Variants in INSYN2B observed in about 807,000 individuals in gnomAD.
INSYN2B encodes protein INSYN2B.
In INSYN2B, 16 loss-of-function variants were observed where a neutral mutation model predicts 41.2. The ratio of observed to expected loss-of-function variants is 0.39; its 90% CI spans 0.26 to 0.59. The LOEUF (loss-of-function observed/expected upper bound fraction) is 0.59. Among genes scored for constraint, INSYN2B ranks in the 20% least tolerant of loss-of-function variants. The pLI is 0.57. For synonymous variants in INSYN2B, 245 were observed against 244.4 expected (o/e 1.00, Z -0.02); for missense variants, 608 against 646.4 (o/e 0.94, Z 0.64).
At chr5:169,954,066 C>T (rs979917242) in intron 1 of INSYN2B, among the ~76,000 whole-genome samples, 1 of 152,248 alleles carries the variant, frequency 6.6e-6, no homozygotes, top group African/African-American at 2.4e-5. Context: ...ACCCTGAACA[C>T]TCTTCCTTTT....
chr5:169,874,935 T>C lies in INSYN2B; in HGVS notation c.1421+6433A>G, dbSNP rs370112869. On this transcript the variant is annotated intron_variant, in intron 3 of 3. Coordinates refer to ENST00000377365, the MANE Select transcript of INSYN2B (RefSeq NM_001129891.3). ...GCCTGCTCCATGAGTAATCCTCTCC[T>C]CTCTCTTCCTTCCCTCGCCCTTGCC... 3.3e-5 allele frequency among the ~76,000 whole-genome samples: 5 copies of C among 152,220 alleles called. No homozygotes were observed. In the East Asian group the frequency reaches 5.8e-4, roughly 18 times the overall value.
chr5:169,890,022 C>T lies in INSYN2B; in HGVS notation c.-918-5206G>A, dbSNP rs557806291. 1.1e-4 allele frequency among the ~76,000 whole-genome samples: 16 copies of T among 152,328 alleles called. No individual in the cohort carries two copies. In the East Asian group the frequency reaches 3.1e-3, roughly 29 times the overall value. On this transcript the variant is annotated intron_variant, in intron 1 of 3. Transcript: ENST00000377365. ...AAGCATTTTCAAATCCCATGTAATC[C>T]CCACTAGGGAGGCTGGGAAGCATTA...
chr5:169,865,615 C>T (rs990981082), intron 3 of INSYN2B, among the ~76,000 whole-genome samples: 10 of 152,198 alleles, frequency 6.6e-5, no homozygotes, highest in Admixed American at 6.5e-4. Context: ...AGCTCTTAAG[C>T]TTTTTGATGT....
chr5:169,948,586 C>T (rs1384294690), intron 1 of INSYN2B, among the ~76,000 whole-genome samples: 1 of 151,058 alleles, frequency 6.6e-6, no homozygotes, highest in Non-Finnish European at 1.5e-5. Flanking sequence ...CCCTTCTCTC[C>T]TTTCTTATTC....
At chr5:169,968,726 T>C (rs1336901774) in intron 1 of INSYN2B, among the ~76,000 whole-genome samples, 1 of 152,226 alleles carries the variant, frequency 6.6e-6, no homozygotes, top group East Asian at 1.9e-4. Flanking sequence ...GGGTACTCCC[T>C]GGGTCAGCTC....
intron 1 of INSYN2B, among the ~76,000 whole-genome samples, chr5:169,922,499 A>T (rs925106386): frequency 2.6e-5 from 4 of 152,212 alleles, no homozygotes; most frequent in African/African-American, 7.2e-5. Context: ...ACATTTAATT[A>T]TCTAAGTAAA....
intron 1 of INSYN2B, among the ~76,000 whole-genome samples, chr5:169,888,347 G>A (rs145617265): frequency 1.3e-5 from 2 of 152,252 alleles, no homozygotes; most frequent in Admixed American, 6.5e-5. Context: ...ATCCAGAATC[G>A]TTCCCCACAG....
chr5:169,903,902 C>T (rs1774113223), intron 1 of INSYN2B, among the ~76,000 whole-genome samples: 1 of 151,864 alleles, frequency 6.6e-6, no homozygotes, highest in Non-Finnish European at 1.5e-5. Flanking sequence ...GAGTTCGAGA[C>T]CAGCCTGGCC....
At chr5:169,896,228 A>G (rs1773598749) in intron 1 of INSYN2B, among the ~76,000 whole-genome samples, 1 of 152,146 alleles carries the variant, frequency 6.6e-6, no homozygotes, top group Non-Finnish European at 1.5e-5. Context: ...AGCTCACATC[A>G]ACATTCCCCA....
At chr5:169,960,082 C>G (rs886173076) in intron 1 of INSYN2B, among the ~76,000 whole-genome samples, 2 of 152,128 alleles carry the variant, frequency 1.3e-5, no homozygotes, top group South Asian at 4.1e-4. Flanking sequence ...GATGAGGGAA[C>G]GGTCAGGTTG....
intron 1 of INSYN2B, among the ~76,000 whole-genome samples, chr5:169,979,991 C>A (rs929605157): frequency 6.6e-6 from 1 of 152,172 alleles, no homozygotes; most frequent in Non-Finnish European, 1.5e-5. Flanking sequence ...CAATTCCAGG[C>A]AACTTGAGAT....
At position 169,881,373 on chromosome 5, in the gene INSYN2B, T is replaced by A. The variant is rs1321617458; in HGVS notation, c.1416A>T (p.Ile472=). ...CSTCQNTACI[I]YSVEYDFRQQ... ...CCTCGCTTGTGGCCAGGTACCTGTATATGATGCACGCCGTGTTCTGGCAGG... is the reference window on the plus strand; with the variant it reads ...CCTCGCTTGTGGCCAGGTACCTGTAAATGATGCACGCCGTGTTCTGGCAGG... Residue 472 remains isoleucine (I), a synonymous_variant, in exon 3 of 4, where the codon ATA becomes ATT. Transcript: ENST00000377365. 6.4e-7 allele frequency: 1 copy of A among 1,551,462 alleles called. No individual in the cohort carries two copies. Among genetic ancestry groups the A allele is most frequent in the Non-Finnish European group, 8.7e-7 (1 of 1,146,776 alleles).
chr5:169,970,771 CT>C (rs1469911554), intron 1 of INSYN2B, among the ~76,000 whole-genome samples: 1 of 152,064 alleles, frequency 6.6e-6, no homozygotes, highest in Non-Finnish European at 1.5e-5. Flanking sequence ...TTTTTCTTTT[CT>C]AGATGGAATT....
intron 1 of INSYN2B, among the ~76,000 whole-genome samples, chr5:169,973,095 G>A (rs1328117361): frequency 2.6e-5 from 4 of 152,186 alleles, no homozygotes. Context: ...GGAAAACGAG[G>A]TAAACTGAAG....
At chr5:169,876,797 G>T (rs1450086272) in intron 3 of INSYN2B, among the ~76,000 whole-genome samples, 1 of 152,164 alleles carries the variant, frequency 6.6e-6, no homozygotes, top group Non-Finnish European at 1.5e-5. Flanking sequence ...TAGTAACAAT[G>T]ACTTTACTTC....
intron 2 of INSYN2B, 59 bp downstream of exon 2, chr5:169,882,494 C>T: frequency 1.4e-6 from 2 of 1,392,866 alleles, no homozygotes; most frequent in Non-Finnish European, 1.9e-6. Context: ...TGTCTCTGCC[C>T]CTGTGTTGGC....
Position 169,893,362 on chromosome 5 carries a change from G to A in INSYN2B, c.-918-8546C>T, listed in dbSNP as rs181337207. 4.3e-3 allele frequency among the ~76,000 whole-genome samples: 654 copies of A among 152,174 alleles called. 7 individuals carry two copies. The highest frequency in any genetic ancestry group is 0.015 in the African/African-American group (614 of 41,514). On this transcript the variant is annotated intron_variant, in intron 1 of 3. Transcript: ENST00000377365. ...TCATCCAGCTTCTCATAGAAGAAAG[G>A]GCATTGGCTTAATATTATCTCTGTA...
At chr5:169,967,350 G>A (rs1467844703) in intron 1 of INSYN2B, among the ~76,000 whole-genome samples, 9 of 152,236 alleles carry the variant, frequency 5.9e-5, no homozygotes, top group Non-Finnish European at 2.9e-5. Context: ...GTAGATACAT[G>A]TGTTGGCTCA....
chr5:169,968,112 C>T (rs901450581), intron 1 of INSYN2B, among the ~76,000 whole-genome samples: 1 of 152,182 alleles, frequency 6.6e-6, no homozygotes, highest in South Asian at 2.1e-4. Flanking sequence ...ATTCTCTTTA[C>T]TTATCAGAAA....
Sources: allele counts gnomAD v4.1 joint callset (sites outside exome capture counted in the v4.1 genomes callset), GRCh38; gene constraint gnomAD v4.1.1; transcripts MANE v1.5; gene names NCBI Gene and HGNC (gene_info 2026-07-23, HGNC 2026-07-21).